The following TIAM2 variants were observed in gnomAD, a reference collection of about 807,000 sequenced individuals.
TIAM2 encodes rho guanine nucleotide exchange factor TIAM2.
TIAM2 carries 80 observed loss-of-function variants against 152.9 expected under a neutral mutation model. The ratio of observed to expected loss-of-function variants is 0.52; its 90% CI spans 0.44 to 0.63. The LOEUF (loss-of-function observed/expected upper bound fraction) is 0.63, where lower values mean the gene tolerates loss of function less well. Ranked by LOEUF, TIAM2 falls within the 30% of genes least tolerant of loss-of-function variation. The pLI, the probability that TIAM2 is intolerant of heterozygous loss-of-function variation, is 0.00. For missense variants in TIAM2, 1,965 were observed against 2,120.1 expected, an observed-to-expected ratio of 0.93 and a Z score of 1.44; for synonymous variants, 804 against 838.0, an observed-to-expected ratio of 0.96 and a Z score of 0.70.
At chr6:155,028,302 T>C (rs557420133) in intron 1 of TIAM2, among the ~76,000 whole-genome samples, 18 of 122,906 alleles carry the variant, frequency 1.5e-4, no homozygotes, top group African/African-American at 4.9e-4. Flanking sequence ...ATATACTACA[T>C]ATATGTACTG....
intron 14 of TIAM2, among the ~76,000 whole-genome samples, chr6:155,208,902 C>A (rs1204676648): frequency 6.6e-6 from 1 of 152,086 alleles, no homozygotes; most frequent in Non-Finnish European, 1.5e-5. Flanking sequence ...TCGGCAAGTT[C>A]CCTGATGGTG....
intron 1 of TIAM2, among the ~76,000 whole-genome samples, chr6:155,056,167 CTTTTTTTTTTT>C (rs763205169): frequency 4.1e-5 from 4 of 98,612 alleles, no homozygotes; most frequent in Non-Finnish European, 5.7e-5. Flanking sequence ...TATTGTTCTT[CTTTTTTTTTTT>C]TTTTTTTTTT....
intron 19 of TIAM2, among the ~76,000 whole-genome samples, chr6:155,247,731 T>TCCTG (rs1783418360): frequency 6.6e-6 from 1 of 152,218 alleles, no homozygotes; most frequent in Admixed American, 6.5e-5. Flanking sequence ...AGTCAGACAT[T>TCCTG]CCTGCATTTT....
At chr6:155,089,352 G>A (rs962765582) in intron 1 of TIAM2, among the ~76,000 whole-genome samples, 4 of 152,092 alleles carry the variant, frequency 2.6e-5, no homozygotes, top group Admixed American at 6.5e-5. Flanking sequence ...GACTACAGGC[G>A]TGAGCCACCA....
chr6:155,063,305 C>T (rs995499871), intron 1 of TIAM2, among the ~76,000 whole-genome samples: 1 of 152,128 alleles, frequency 6.6e-6, no homozygotes, highest in Non-Finnish European at 1.5e-5. Context: ...AGCAGTTGAT[C>T]ATATTGTGGT....
At chr6:155,165,048 G>A (rs1032143) in intron 8 of TIAM2, among the ~76,000 whole-genome samples, 98,582 of 151,918 alleles carry the variant, frequency 0.65, 32,565 homozygotes, top group African/African-American at 0.76. Flanking sequence ...TTTTGCTGAC[G>A]CTGCTGCCCA....
chr6:155,151,566 T>C (rs1562333519), intron 7 of TIAM2, among the ~76,000 whole-genome samples: 1 of 152,180 alleles, frequency 6.6e-6, no homozygotes, highest in Non-Finnish European at 1.5e-5. Context: ...AAGGCTCAGA[T>C]GGTAAGGTTT....
intron 15 of TIAM2, among the ~76,000 whole-genome samples, chr6:155,228,842 C>T (rs1400795299): frequency 2.0e-5 from 3 of 152,172 alleles, no homozygotes; most frequent in East Asian, 1.9e-4. Context: ...TCAGTTGCTC[C>T]GTCCTGGGGA....
At chr6:155,106,684 G>C (rs1481711533) in intron 2 of TIAM2, among the ~76,000 whole-genome samples, 1 of 152,180 alleles carries the variant, frequency 6.6e-6, no homozygotes, top group Non-Finnish European at 1.5e-5. Flanking sequence ...CTGCTAAAGG[G>C]CTTAAAAAAG....
chr6:155,174,516 G>A lies in TIAM2; in HGVS notation c.2362-2300G>A, dbSNP rs568289255. On this transcript the variant is annotated intron_variant, in intron 9 of 26. Transcript: ENST00000682666. This position sits in a 1 kb window ranked among gnomAD's most constrained non-coding sequence, Gnocchi z 4.2. ...CTCCTGAGTAGCTGGGGCTACAGAC[G>A]CGTGCCACCATGCCCGGATAATTTT... 4.6e-5 allele frequency among the ~76,000 whole-genome samples: 7 copies of A among 152,220 alleles called. No homozygotes were observed. The highest frequency in any genetic ancestry group is 7.4e-5 in the Non-Finnish European group (5 of 67,996).
intron 1 of TIAM2, among the ~76,000 whole-genome samples, chr6:155,047,763 T>G (rs1777230967): frequency 7.1e-6 from 1 of 140,296 alleles, no homozygotes; most frequent in African/African-American, 2.7e-5. Flanking sequence ...ACAGAAGACT[T>G]GAGTGAGGAC....
At chr6:155,006,742 G>A (rs1273974317) in intron 1 of TIAM2, among the ~76,000 whole-genome samples, 4 of 150,380 alleles carry the variant, frequency 2.7e-5, no homozygotes, top group Admixed American at 2.0e-4. Context: ...AGGCTGGAGT[G>A]CAGTGGCGTG....
At chr6:155,101,679 A>AACC (rs1778552251) in intron 2 of TIAM2, among the ~76,000 whole-genome samples, 1 of 152,108 alleles carries the variant, frequency 6.6e-6, no homozygotes, top group Non-Finnish European at 1.5e-5. Flanking sequence ...CAGAGAGGTT[A>AACC]TTTCTGATAG....
At chr6:155,007,515 C>T (rs1778421928) in intron 1 of TIAM2, among the ~76,000 whole-genome samples, 1 of 151,730 alleles carries the variant, frequency 6.6e-6, no homozygotes, top group South Asian at 2.1e-4. Flanking sequence ...TTAAGGAAAA[C>T]ATCTGGTTTC....
At chr6:155,175,269 G>A (rs905508692) in intron 9 of TIAM2, among the ~76,000 whole-genome samples, 6 of 152,180 alleles carry the variant, frequency 3.9e-5, no homozygotes, top group Non-Finnish European at 1.5e-5. Context: ...CAAAAAGATG[G>A]CACAGAGAGA....
chr6:155,157,996 T>C lies in TIAM2; in HGVS notation c.2029-6419T>C, dbSNP rs117671731. ...TACTTTAGCTGGTTGTTCTAAATAC[T>C]GTTAAACTTGAGTGTCATCTATGTC... On this transcript the variant is annotated intron_variant, in intron 7 of 26. Coordinates refer to ENST00000682666, the MANE Select transcript of TIAM2 (RefSeq NM_012454.4). Among the ~76,000 whole-genome samples, 1,059 of 152,326 alleles carry C rather than the reference T, an allele frequency of 7.0e-3. 11 individuals carry two copies. Among genetic ancestry groups the C allele is most frequent in the Middle Eastern group, 0.031 (9 of 294 alleles).
intron 1 of TIAM2, among the ~76,000 whole-genome samples, chr6:155,045,605 C>T (rs763836132): frequency 8.5e-5 from 13 of 152,056 alleles, no homozygotes; most frequent in Admixed American, 2.0e-4. Flanking sequence ...ATTAAGAACT[C>T]CATAGATAAA....
chr6:155,146,202 C>A (rs575246489), intron 6 of TIAM2, among the ~76,000 whole-genome samples: 3 of 152,062 alleles, frequency 2.0e-5, no homozygotes, highest in Admixed American at 2.0e-4. Context: ...CATAGCGAGG[C>A]CCCATCTCTA....
intron 15 of TIAM2, chr6:155,216,702 T>TA (rs1781868766): frequency 1.1e-5 from 2 of 185,678 alleles, no homozygotes; most frequent in African/African-American, 4.8e-5. Context: ...TAAGGTATAT[T>TA]AAGCAGTCCC....
Sources: allele counts gnomAD v4.1 joint callset (sites outside exome capture counted in the v4.1 genomes callset), GRCh38; gene constraint gnomAD v4.1.1; non-coding constraint Gnocchi (gnomAD v3.1); transcripts MANE v1.5; gene names NCBI Gene and HGNC (gene_info 2026-07-23, HGNC 2026-07-21).